The following DYNC1I1 variants were observed in gnomAD, a reference collection of about 807,000 sequenced individuals.
The protein encoded by DYNC1I1 is dynein cytoplasmic 1 intermediate chain 1, also known as cytoplasmic dynein 1 intermediate chain 1.
A neutral mutation model predicts 86.6 loss-of-function variants in DYNC1I1; 43 were observed. The observed-to-expected ratio is 0.50, with a 90% CI of 0.39 to 0.64. The LOEUF (loss-of-function observed/expected upper bound fraction) is 0.64, where lower values mean the gene tolerates loss of function less well. Among genes scored for constraint, DYNC1I1 ranks in the 30% least tolerant of loss-of-function variants. The pLI, the probability that DYNC1I1 is intolerant of heterozygous loss-of-function variation, is 0.00. For synonymous variants in DYNC1I1, 262 were observed against 283.7 expected (o/e 0.92, Z 0.77); for missense variants, 604 against 788.8 (o/e 0.77, Z 2.81).
intron 6 of DYNC1I1, among the ~76,000 whole-genome samples, chr7:95,935,623 T>C (rs987775645): frequency 2.6e-5 from 4 of 152,152 alleles, no homozygotes; most frequent in African/African-American, 9.6e-5. Flanking sequence ...TTAAAAAGCT[T>C]ATGCACAGCA....
At chr7:95,855,610 C>T (rs558219532) in intron 5 of DYNC1I1, among the ~76,000 whole-genome samples, 1 of 152,268 alleles carries the variant, frequency 6.6e-6, no homozygotes, top group Admixed American at 6.5e-5. Flanking sequence ...CTTACACAAG[C>T]GTTGATGGAA....
chr7:96,086,362 G>A (rs1305730134), intron 16 of DYNC1I1, among the ~76,000 whole-genome samples: 2 of 152,110 alleles, frequency 1.3e-5, no homozygotes, highest in Admixed American at 1.3e-4. Flanking sequence ...AATTCACACA[G>A]GTTTCAAATC....
intron 6 of DYNC1I1, among the ~76,000 whole-genome samples, chr7:95,954,376 G>C (rs925931256): frequency 2.0e-5 from 3 of 151,742 alleles, no homozygotes; most frequent in African/African-American, 7.3e-5. Flanking sequence ...CAAGTGCCCA[G>C]TTGCCACGTG....
At chr7:95,964,313 G>GAACCAGAT (rs1190228681) in intron 6 of DYNC1I1, among the ~76,000 whole-genome samples, 2 of 152,164 alleles carry the variant, frequency 1.3e-5, no homozygotes, top group African/African-American at 4.8e-5. Flanking sequence ...CCACTTCAAA[G>GAACCAGAT]AACCAGATCT....
At chr7:95,949,719 A>G (rs928676971) in intron 6 of DYNC1I1, among the ~76,000 whole-genome samples, 3 of 152,206 alleles carry the variant, frequency 2.0e-5, no homozygotes, top group African/African-American at 4.8e-5. Flanking sequence ...TTTGTTCTGT[A>G]CTACTGCCAG....
intron 1 of DYNC1I1, among the ~76,000 whole-genome samples, chr7:95,797,367 A>G (rs1275736511): frequency 5.9e-5 from 9 of 152,184 alleles, no homozygotes; most frequent in Non-Finnish European, 1.3e-4. Flanking sequence ...TGCTAATGAT[A>G]AAGTTTGAGC....
At chr7:95,870,545 A>G (rs1451046633) in intron 6 of DYNC1I1, among the ~76,000 whole-genome samples, 1 of 152,234 alleles carries the variant, frequency 6.6e-6, no homozygotes, top group African/African-American at 2.4e-5. Flanking sequence ...CTGGCCCTTT[A>G]CAGAAAACCT....
At chr7:95,849,555 C>T (rs1789523444) in intron 5 of DYNC1I1, among the ~76,000 whole-genome samples, 1 of 151,828 alleles carries the variant, frequency 6.6e-6, no homozygotes, top group Non-Finnish European at 1.5e-5. Context: ...TGTGGGCTCT[C>T]AGTTCTGTTC....
At position 96,039,385 on chromosome 7, in the gene DYNC1I1, A is replaced by G; in HGVS notation, c.1473A>G (p.Ser491=). 1.2e-6 allele frequency: 2 copies of G among 1,614,088 alleles called. No homozygotes were observed. Among genetic ancestry groups the G allele is most frequent in the Non-Finnish European group, 1.7e-6 (2 of 1,179,970 alleles). The change falls in exon 14 of 17, where the codon TCA becomes TCG. Residue 491 remains serine, a synonymous_variant. Coordinates refer to ENST00000447467, the MANE Select transcript of DYNC1I1 (RefSeq NM_001135556.2). ...PIDFSHLFVT[S]SFDWTVKLWT... The stretch of plus-strand genomic sequence containing the variant: ...ACTTTTCTCACCTGTTTGTCACATC[A>G]TCATTTGACTGGACTGTCAAACTGT...
intron 10 of DYNC1I1, among the ~76,000 whole-genome samples, chr7:95,998,377 G>A (rs965359244): frequency 9.9e-5 from 15 of 152,214 alleles, no homozygotes; most frequent in African/African-American, 3.6e-4. Flanking sequence ...ATAAGGTATC[G>A]ATTAGACATG....
At chr7:95,843,565 C>T (rs986090669) in intron 5 of DYNC1I1, among the ~76,000 whole-genome samples, 1 of 152,092 alleles carries the variant, frequency 6.6e-6, no homozygotes, top group Non-Finnish European at 1.5e-5. Flanking sequence ...TTTCAGGTTT[C>T]TGGGTAAATT....
In DYNC1I1 at chr7:96,076,203, C is replaced by A. The variant is rs770764813; in HGVS notation, c.1650+6C>A. On this transcript the variant is annotated splice_donor_region_variant and intron_variant, in intron 15 of 16. Transcript: ENST00000447467. ...ACCTCAACAATGACACCGAGGTGAG[C>A]GGCGGCTCAGGCGCCCGGGCCGGAG... is the stretch of plus-strand genomic sequence containing the variant. 2.3e-5 allele frequency: 37 copies of A among 1,613,498 alleles called. 1 individual carries two copies. The East Asian group carries it at 6.5e-4, about 28-fold the overall frequency.
chr7:95,836,699 T>G (rs1163680355), intron 5 of DYNC1I1, among the ~76,000 whole-genome samples: 1 of 152,178 alleles, frequency 6.6e-6, no homozygotes, highest in East Asian at 1.9e-4. Flanking sequence ...TCTTCCCTTC[T>G]TGCTTCATTT....
intron 1 of DYNC1I1, among the ~76,000 whole-genome samples, chr7:95,784,658 T>A (rs1249384162): frequency 6.6e-6 from 1 of 152,036 alleles, no homozygotes; most frequent in East Asian, 1.9e-4. Flanking sequence ...AAAAACAGAG[T>A]TAATATCCAT....
chr7:95,872,129 C>T (rs976024136), intron 6 of DYNC1I1, among the ~76,000 whole-genome samples: 7 of 152,202 alleles, frequency 4.6e-5, no homozygotes, highest in African/African-American at 1.4e-4. Flanking sequence ...AGGAGAGCTG[C>T]GTGGAGCAGT....
intron 11 of DYNC1I1, 72 bp from the exon 12 acceptor site, chr7:96,032,595 T>A (rs1351827006): frequency 3.5e-6 from 4 of 1,139,670 alleles, no homozygotes; most frequent in Non-Finnish European, 5.2e-6. Context: ...TTTAGAGTAA[T>A]GTGTTTGACA....
intron 9 of DYNC1I1, among the ~76,000 whole-genome samples, chr7:95,989,209 A>G (rs993761017): frequency 1.3e-5 from 2 of 152,324 alleles, no homozygotes; most frequent in East Asian, 1.9e-4. Context: ...GTAAGTCCCA[A>G]TTAATCCTAT....
At chr7:95,982,762 G>A (rs1340138081) in intron 7 of DYNC1I1, among the ~76,000 whole-genome samples, 1 of 152,094 alleles carries the variant, frequency 6.6e-6, no homozygotes, top group Non-Finnish European at 1.5e-5. Context: ...TTCTTGTTTA[G>A]TCAGGTTTAT....
intron 4 of DYNC1I1, among the ~76,000 whole-genome samples, chr7:95,820,742 T>A (rs955143507): frequency 1.3e-5 from 2 of 152,236 alleles, no homozygotes; most frequent in African/African-American, 4.8e-5. Context: ...TTGAGCATTT[T>A]AAAAATAATA....
Sources: allele counts gnomAD v4.1 joint callset (sites outside exome capture counted in the v4.1 genomes callset), GRCh38; gene constraint gnomAD v4.1.1; transcripts MANE v1.5; gene names NCBI Gene and HGNC (gene_info 2026-07-23, HGNC 2026-07-21).